The following PCNT variants were observed in gnomAD, a reference collection of about 807,000 sequenced individuals.
PCNT encodes kendrin.
Under a neutral mutation model 380.4 loss-of-function variants are expected in PCNT, and 319 were observed. The ratio of observed to expected loss-of-function variants is 0.84; its 90% CI spans 0.77 to 0.92. The LOEUF (loss-of-function observed/expected upper bound fraction) is 0.92, where lower values mean the gene tolerates loss of function less well. Ranked by LOEUF, PCNT falls within the 40% of genes least tolerant of loss-of-function variation. The probability of loss-of-function intolerance (pLI) is 0.00; values close to 1 mark genes in which losing one functional copy is unlikely to be tolerated. For synonymous variants in PCNT, 1,845 were observed against 1,735.2 expected (o/e 1.06, Z -1.57); for missense variants, 4,400 against 4,255.3 (o/e 1.03, Z -0.95).
Position 46,416,262 on chromosome 21 carries a change from G to C in PCNT, c.6344G>C (p.Cys2115Ser), listed in dbSNP as rs761872132. 1 of 1,614,196 alleles carries C rather than the reference G, an allele frequency of 6.2e-7. No homozygotes were observed. ...LLESSWSDDS[C>S]DGEEPDISPH... Reference sequence around the variant, plus strand: ...GAGAGCAGCTGGAGTGATGATTCCTGTGACGGAGAAGAGCCTGACATATCA... The same window carrying C: ...GAGAGCAGCTGGAGTGATGATTCCTCTGACGGAGAAGAGCCTGACATATCA... The change falls in exon 30 of 47, where the codon TGT becomes TCT. Residue 2115 changes from cysteine (C) to serine (S), a missense_variant. Transcript: ENST00000359568.
intron 27 of PCNT, among the ~76,000 whole-genome samples, chr21:46,405,283 C>T (rs905364969): frequency 5.3e-5 from 8 of 152,202 alleles, no homozygotes; most frequent in Admixed American, 1.3e-4. Context: ...AGTTTGTCTC[C>T]AGTTTGTCAC....
intron 17 of PCNT, among the ~76,000 whole-genome samples, chr21:46,386,637 G>A (rs1183101047): frequency 6.6e-6 from 1 of 152,250 alleles, no homozygotes; most frequent in Non-Finnish European, 1.5e-5. Flanking sequence ...CTCACCTGCA[G>A]TGATGCTGTC....
Position 46,437,014 on chromosome 21 carries a change from C to G in PCNT, c.9032C>G (p.Ala3011Gly), listed in dbSNP as rs539419677. ...VNDWTSSNEK[A>G]VMSLLHTLEE... is the part of the protein sequence containing the mutation. ...GATTGGACGTCATCCAATGAGAAAG[C>G]AGTGATGTCTTTACTGCACACGTTG... The change falls in exon 40 of 47, where the codon GCA becomes GGA. Residue 3011 changes from alanine to glycine, a missense_variant. Transcript: ENST00000359568. 3.7e-6 allele frequency: 6 copies of G among 1,614,134 alleles called. No individual in the cohort carries two copies. In the South Asian group the frequency reaches 6.6e-5, roughly 18 times the overall value.
At chr21:46,354,109 C>G in intron 11 of PCNT, 41 bp downstream of exon 11, 1 of 1,528,970 alleles carries the variant, frequency 6.5e-7, no homozygotes, top group Non-Finnish European at 9.1e-7. Context: ...GTCCTGTGCT[C>G]TTGACCTTCC....
At chr21:46,429,620 G>GC (rs1601182092) in intron 35 of PCNT, among the ~76,000 whole-genome samples, 1 of 152,192 alleles carries the variant, frequency 6.6e-6, no homozygotes, top group African/African-American at 2.4e-5. Context: ...TAGCCCCTCC[G>GC]CCCTCCGTTG....
intron 3 of PCNT, among the ~76,000 whole-genome samples, chr21:46,337,010 GTTTT>G (rs557863930): frequency 1.8e-4 from 21 of 118,266 alleles, no homozygotes; most frequent in Middle Eastern, 4.7e-3. Flanking sequence ...TTGTTTGTTT[GTTTT>G]TTTGAGACAG....
intron 36 of PCNT, 65 bp downstream of exon 36, chr21:46,430,297 T>A: frequency 2.0e-6 from 3 of 1,502,254 alleles, no homozygotes; most frequent in Non-Finnish European, 2.7e-6. Flanking sequence ...GTTTTCTTGG[T>A]GATGAAGGGA....
chr21:46,324,312 C>T (rs1157175012), intron 1 of PCNT, 30 bp downstream of exon 1: 1 of 1,576,948 alleles, frequency 6.3e-7, no homozygotes, highest in African/African-American at 1.3e-5. Flanking sequence ...TCTCTAGCTG[C>T]TCTGGCGTGA....
Position 46,401,673 on chromosome 21 carries a change from A to G in PCNT, c.4914A>G (p.Glu1638=). Residue 1638 remains glutamate, a synonymous_variant, in exon 26 of 47, where the codon GAA becomes GAG. Coordinates refer to ENST00000359568, the MANE Select transcript of PCNT (RefSeq NM_006031.6). The part of the protein sequence containing the change: ...PPSGSPPEGP[E]IQLEVTQRAL... ...CGGGCAGCCCTCCTGAGGGTCCAGAAATACAGTTAGAGGTGACACAGAGAG... is the reference window on the plus strand; with the variant it reads ...CGGGCAGCCCTCCTGAGGGTCCAGAGATACAGTTAGAGGTGACACAGAGAG... 1 of 1,613,966 alleles carries G rather than the reference A, an allele frequency of 6.2e-7. No homozygotes were observed. Among genetic ancestry groups the G allele is most frequent in the South Asian group, 1.1e-5 (1 of 91,054 alleles).
intron 39 of PCNT, among the ~76,000 whole-genome samples, chr21:46,436,535 C>A (rs180794357): frequency 6.9e-6 from 1 of 145,388 alleles, no homozygotes; most frequent in Non-Finnish European, 1.5e-5. Flanking sequence ...CCCAGGATGA[C>A]GATCGTGATA....
At chr21:46,430,770 G>T in intron 37 of PCNT, 113 bp downstream of exon 37, 2 of 1,537,394 alleles carry the variant, frequency 1.3e-6, no homozygotes, top group Non-Finnish European at 1.7e-6. Flanking sequence ...GCACCCAGTT[G>T]ACAGCAGTGT....
chr21:46,332,634 T>C (rs2083594850), intron 2 of PCNT, among the ~76,000 whole-genome samples: 1 of 152,242 alleles, frequency 6.6e-6, no homozygotes, highest in Non-Finnish European at 1.5e-5. Context: ...TCTAGGGTAT[T>C]GTCAAATGAA....
At chr21:46,336,986 TTTTGTTTG>T (rs71318067) in intron 3 of PCNT, among the ~76,000 whole-genome samples, 26 of 146,992 alleles carry the variant, frequency 1.8e-4, no homozygotes, top group South Asian at 4.2e-4. Flanking sequence ...AGGTTGTTTT[TTTTGTTTG>T]TTTGTTTGTT....
intron 18 of PCNT, 103 bp from the exon 19 acceptor site, chr21:46,389,096 G>A (rs1015825090): frequency 7.5e-7 from 1 of 1,336,730 alleles, no homozygotes; most frequent in Middle Eastern, 2.1e-4. Flanking sequence ...ATCTCGGCTG[G>A]GGCGACGTTC....
Position 46,431,768 on chromosome 21 carries a change from C to T in PCNT, c.8304C>T (p.Thr2768=), listed in dbSNP as rs748612157. 1.4e-5 allele frequency: 23 copies of T among 1,612,766 alleles called. No individual in the cohort carries two copies. In the Admixed American group the frequency reaches 2.0e-4, roughly 14 times the overall value. The change falls in exon 38 of 47, where the codon ACC becomes ACT. Residue 2768 remains threonine (T), a synonymous_variant. Transcript: ENST00000359568. ...CCTTGCGGCACGAGCGGCTCCTGAC[C>T]GAGCAGCTGAGCCAGAGGACACAGG... is the stretch of plus-strand genomic sequence containing the variant. ...SEALRHERLL[T]EQLSQRTQEA... is the part of the protein sequence containing the mutation.
At chr21:46,437,396 C>T (rs949342619) in intron 40 of PCNT, among the ~76,000 whole-genome samples, 73 of 152,208 alleles carry the variant, frequency 4.8e-4, no homozygotes, top group African/African-American at 1.7e-3. Flanking sequence ...GGTAGAGCCC[C>T]CTCACATGCT....
At chr21:46,370,224 C>CA (rs2085069788) in intron 15 of PCNT, among the ~76,000 whole-genome samples, 2 of 117,756 alleles carry the variant, frequency 1.7e-5, no homozygotes, top group Admixed American at 9.1e-5. Context: ...GGTGGGCATC[C>CA]GGGGGGGGGT....
chr21:46,378,523 T>TAACGCCGGACAGAAGGATG (rs1216854318), intron 15 of PCNT, among the ~76,000 whole-genome samples: 2 of 152,100 alleles, frequency 1.3e-5, no homozygotes, highest in African/African-American at 4.8e-5. Context: ...GCCACGTGGA[T>TAACGCCGGACAGAAGGATG]AACGCCGGAC....
In PCNT at chr21:46,416,529, G is replaced by T. The variant is rs776564848; in HGVS notation, c.6611G>T (p.Ser2204Ile). ...TSVLGGSRHQSHTAEAGPRKS... is the reference protein window; with the variant it reads ...TSVLGGSRHQIHTAEAGPRKS... ...GTACTTGGTGGCTCCCGCCACCAGA[G>T]CCACACTGCAGAGGCTGGGCCCCGG... The change falls in exon 30 of 47, where the codon AGC becomes ATC. Residue 2204 changes from serine (S) to isoleucine (I), a missense_variant. Transcript: ENST00000359568. The T allele has an allele frequency of 4.3e-6, 7 of 1,613,676 alleles. No individual in the cohort carries two copies. The highest frequency in any genetic ancestry group is 5.9e-6 in the Non-Finnish European group (7 of 1,180,016).
Sources: gnomAD v4.1 joint callset for allele counts (sites outside exome capture counted in the v4.1 genomes callset) on GRCh38, gnomAD v4.1.1 for gene constraint, MANE v1.5 for transcripts, NCBI Gene and HGNC (gene_info 2026-07-23, HGNC 2026-07-21) for gene names.